Variants in NXPE4 observed in about 807,000 individuals in gnomAD.
NXPE4 encodes the protein neurexophilin and PC-esterase domain family member 4.
Under a neutral mutation model 33.3 loss-of-function variants are expected in NXPE4, and 42 were observed. The observed-to-expected ratio is 1.26, with a 90% CI of 0.98 to 1.63. The LOEUF is 1.63. Among genes scored for constraint, NXPE4 ranks in the 40% most tolerant of loss-of-function variants. NXPE4 has a pLI of 0.00. For missense variants in NXPE4, 709 were observed against 647.6 expected (o/e 1.09, Z -1.03); for synonymous variants, 253 against 234.9 (o/e 1.08, Z -0.71).
the NXPE4 span, among the ~76,000 whole-genome samples, chr11:114,632,517 T>C: frequency 8.0e-6 from 1 of 124,642 alleles, no homozygotes; most frequent in Non-Finnish European, 1.6e-5. Context: ...TTATTTTATA[T>C]TATATTTTGC....
the NXPE4 span, among the ~76,000 whole-genome samples, chr11:114,615,925 A>G: frequency 6.6e-6 from 1 of 151,592 alleles, no homozygotes; most frequent in Non-Finnish European, 1.5e-5. Flanking sequence ...CTGGTGGATA[A>G]TATGTATCGA....
At chr11:114,588,818 T>C (rs113429498) in intron 2 of NXPE4, among the ~76,000 whole-genome samples, 86 of 152,292 alleles carry the variant, frequency 5.6e-4, no homozygotes, top group African/African-American at 2.0e-3. Flanking sequence ...CACACCTTCT[T>C]GTCCCCTGAT....
At chr11:114,575,248 A>G (rs1230812486) in intron 5 of NXPE4, among the ~76,000 whole-genome samples, 2 of 152,168 alleles carry the variant, frequency 1.3e-5, no homozygotes, top group Non-Finnish European at 2.9e-5. Flanking sequence ...CTGAATGGGG[A>G]AAAGTTGAAA....
At chr11:114,622,805 C>T in the NXPE4 span, among the ~76,000 whole-genome samples, 5 of 152,046 alleles carry the variant, frequency 3.3e-5, no homozygotes, top group African/African-American at 1.2e-4. Flanking sequence ...ATTAGTATTG[C>T]CTCATGGGTT....
chr11:114,585,732 C>G (rs1949279362), intron 2 of NXPE4, among the ~76,000 whole-genome samples: 1 of 152,010 alleles, frequency 6.6e-6, no homozygotes, highest in African/African-American at 2.4e-5. Context: ...CAAGGCTTCC[C>G]TTTTTAACAA....
At chr11:114,633,956 A>G in the NXPE4 span, among the ~76,000 whole-genome samples, 2 of 152,024 alleles carry the variant, frequency 1.3e-5, no homozygotes, top group South Asian at 2.1e-4. Flanking sequence ...AGCATGATTT[A>G]TAGCCCTTTG....
chr11:114,599,883 G>C (rs1437489431), upstream of NXPE4, among the ~76,000 whole-genome samples: 1 of 151,440 alleles, frequency 6.6e-6, no homozygotes, highest in Admixed American at 6.6e-5. Context: ...ATTTGGGCAG[G>C]GACACAGATC....
the NXPE4 span, among the ~76,000 whole-genome samples, chr11:114,621,890 G>C: frequency 6.6e-6 from 1 of 151,866 alleles, no homozygotes; most frequent in Admixed American, 6.6e-5. Context: ...AATAAGTATT[G>C]ATTTGTGGGT....
the NXPE4 span, among the ~76,000 whole-genome samples, chr11:114,676,788 A>G: frequency 6.6e-6 from 1 of 152,104 alleles, no homozygotes; most frequent in South Asian, 2.1e-4. Context: ...TCAGTATTTA[A>G]GAAGATATCT....
rs1948874944 is a variant in NXPE4, at chr11:114,571,170, G to A, written c.1403C>T (p.Thr468Ile). The A allele has an allele frequency of 1.2e-6, 2 of 1,613,882 alleles. No homozygotes were observed. The highest frequency in any genetic ancestry group is 2.2e-5 in the East Asian group (1 of 44,878). ...IQHLLLRSPD[T>I]MVIIKTENIR... ...GTTTTCTGTTTTGATGATAACCATA[G>A]TGTCTGGGCTTCTCAGAAGAAGATG... Residue 468 changes from threonine to isoleucine, a missense_variant, in exon 6 of 6, where the codon ACT (threonine) becomes ATT (isoleucine). By Grantham distance (89) the Thr-to-Ile change is moderately conservative. Transcript: ENST00000375478.
At chr11:114,593,057 C>T (rs1176841159) in intron 2 of NXPE4, among the ~76,000 whole-genome samples, 1 of 151,848 alleles carries the variant, frequency 6.6e-6, no homozygotes, top group African/African-American at 2.4e-5. Context: ...TATGCATGAC[C>T]CAAAGTATGA....
chr11:114,602,122 A>G, the NXPE4 span, among the ~76,000 whole-genome samples: 97 of 101,964 alleles, frequency 9.5e-4, no homozygotes, highest in African/African-American at 3.9e-3. Flanking sequence ...ATAATTATAT[A>G]TATTATACAT....
chr11:114,670,505 G>C, the NXPE4 span, among the ~76,000 whole-genome samples: 1 of 151,938 alleles, frequency 6.6e-6, no homozygotes, highest in South Asian at 2.1e-4. Context: ...ATCAGCCTGG[G>C]AAACAGCAAG....
At chr11:114,590,923 G>A (rs1215323808) in intron 2 of NXPE4, among the ~76,000 whole-genome samples, 1 of 152,188 alleles carries the variant, frequency 6.6e-6, no homozygotes, top group Non-Finnish European at 1.5e-5. Context: ...GCTGTTAGAA[G>A]GGTCAGCAGT....
At chr11:114,663,630 TATCTATCATCTATCC>T in the NXPE4 span, among the ~76,000 whole-genome samples, 1 of 109,624 alleles carries the variant, frequency 9.1e-6, no homozygotes, top group African/African-American at 3.3e-5. Flanking sequence ...TCTATCTATC[TATCTATCATCTATCC>T]ATCTATCATC....
chr11:114,632,482 A>G, the NXPE4 span, among the ~76,000 whole-genome samples: 1 of 126,158 alleles, frequency 7.9e-6, no homozygotes, highest in Non-Finnish European at 1.6e-5. Flanking sequence ...ACTATATAAT[A>G]CTCCATAATA....
chr11:114,588,478 G>A (rs1357457936), intron 2 of NXPE4, among the ~76,000 whole-genome samples: 1 of 152,148 alleles, frequency 6.6e-6, no homozygotes, highest in African/African-American at 2.4e-5. Context: ...TGAAAAACAG[G>A]CAGCTCTGCA....
At chr11:114,663,475 A>G in the NXPE4 span, among the ~76,000 whole-genome samples, 9 of 152,082 alleles carry the variant, frequency 5.9e-5, no homozygotes, top group African/African-American at 2.2e-4. Context: ...GTCTAATGGA[A>G]GCCAAGAGCA....
chr11:114,575,241 A>G (rs183330530), intron 5 of NXPE4, among the ~76,000 whole-genome samples: 1 of 152,272 alleles, frequency 6.6e-6, no homozygotes, highest in Non-Finnish European at 1.5e-5. Flanking sequence ...CATAATACTG[A>G]ATGGGGAAAA....
Sources: gnomAD v4.1 joint callset for allele counts (sites outside exome capture counted in the v4.1 genomes callset) on GRCh38, gnomAD v4.1.1 for gene constraint, MANE v1.5 for transcripts, NCBI Gene and HGNC (gene_info 2026-07-23, HGNC 2026-07-21) for gene names.